The following RREB1 variants were observed in gnomAD, a reference collection of about 807,000 sequenced individuals.
RREB1 encodes the protein ras-responsive element-binding protein 1.
In RREB1, 27 loss-of-function variants were observed where a neutral mutation model predicts 117.8. The ratio of observed to expected loss-of-function variants is 0.23; its 90% CI spans 0.17 to 0.32. RREB1 has a LOEUF of 0.32. RREB1 is among the 10% of genes least tolerant of loss of function. The pLI is 1.00. For missense variants in RREB1, 2,577 were observed against 2,378.2 expected, an observed-to-expected ratio of 1.08 and a Z score of -1.74; for synonymous variants, 1,298 against 1,026.7, an observed-to-expected ratio of 1.26 and a Z score of -5.05.
At chr6:7,172,256 TGA>T (rs1209715194) in intron 1 of RREB1, among the ~76,000 whole-genome samples, 1 of 150,652 alleles carries the variant, frequency 6.6e-6, no homozygotes, top group Non-Finnish European at 1.5e-5. Flanking sequence ...GCTGTAGTCT[TGA>T]GAGGATGAGA....
intron 6 of RREB1, among the ~76,000 whole-genome samples, chr6:7,200,752 C>G (rs569727099): frequency 6.6e-6 from 1 of 152,290 alleles, no homozygotes; most frequent in South Asian, 2.1e-4. Context: ...AACAATCAAG[C>G]CTTTTTCGTC....
At chr6:7,220,780 C>T (rs995745290) in intron 8 of RREB1, among the ~76,000 whole-genome samples, 1 of 152,224 alleles carries the variant, frequency 6.6e-6, no homozygotes, top group Non-Finnish European at 1.5e-5. Context: ...ATTTTGCAAT[C>T]GTGCTCTTTA....
intron 1 of RREB1, among the ~76,000 whole-genome samples, chr6:7,164,308 A>C (rs1763818423): frequency 6.6e-6 from 1 of 151,330 alleles, no homozygotes; most frequent in Admixed American, 6.6e-5. Flanking sequence ...CCTTTCCCCC[A>C]CCCGGTTCTC....
rs1405253407 is a variant in RREB1 at position 7,198,702 on chromosome 6, A to C, written c.425+9380A>C. Among the ~76,000 whole-genome samples the C allele has an allele frequency of 2.0e-5, 3 of 152,210 alleles. No individual in the cohort carries two copies. In the East Asian group the frequency reaches 5.8e-4, roughly 29 times the overall value. Reference sequence around the variant, plus strand: ...ATCAAAGCAGTTTTCAGCATATGTTAGTACTCTGAACACTAAAATAGACAT... The same window carrying C: ...ATCAAAGCAGTTTTCAGCATATGTTCGTACTCTGAACACTAAAATAGACAT... On this transcript the variant is annotated intron_variant, in intron 6 of 12. Coordinates refer to ENST00000379938, the MANE Select transcript of RREB1 (RefSeq NM_001003699.4).
intron 10 of RREB1, among the ~76,000 whole-genome samples, chr6:7,239,906 G>A (rs143749284): frequency 3.3e-5 from 5 of 152,342 alleles, no homozygotes; most frequent in Non-Finnish European, 5.9e-5. Context: ...CTGTGGGAGG[G>A]ACACAGCCAC....
At chr6:7,123,768 G>T (rs1174160376) in intron 1 of RREB1, among the ~76,000 whole-genome samples, 1 of 151,908 alleles carries the variant, frequency 6.6e-6, no homozygotes, top group South Asian at 2.1e-4. Flanking sequence ...CCGCCACCAC[G>T]CCTGGCTAAT....
chr6:7,186,608 C>T (rs1765095149), intron 4 of RREB1, among the ~76,000 whole-genome samples: 1 of 152,186 alleles, frequency 6.6e-6, no homozygotes, highest in African/African-American at 2.4e-5. Context: ...CAATGATGCA[C>T]ACAGCCTAGA....
rs138175308 is a variant in RREB1 at position 7,168,035 on chromosome 6, A to T, written c.-284-8620A>T. ...CAACACTTTGTGAGGCCGAGGTGGG[A>T]GGATCACTTGAGGTCAGGAGTTTGA... On this transcript the variant is annotated intron_variant, in intron 1 of 12. Transcript: ENST00000379938. Among the ~76,000 whole-genome samples the T allele has an allele frequency of 5.6e-3, 847 of 151,896 alleles. 3 individuals carry two copies. The highest frequency in any genetic ancestry group is 8.5e-3 in the Non-Finnish European group (578 of 67,910).
chr6:7,220,945 C>A (rs911553590), intron 8 of RREB1, among the ~76,000 whole-genome samples: 2 of 152,190 alleles, frequency 1.3e-5, no homozygotes, highest in Admixed American at 6.5e-5. Context: ...CATCCAGCAG[C>A]TCCCTCCACA....
chr6:7,232,818 TG>T (rs1768085629), intron 10 of RREB1, among the ~76,000 whole-genome samples: 1 of 151,710 alleles, frequency 6.6e-6, no homozygotes, highest in South Asian at 2.1e-4. Flanking sequence ...CTCAAACTTC[TG>T]GGCTCAAGCA....
chr6:7,228,963 T>G, intron 9 of RREB1, 34 bp from the exon 10 acceptor site: 1 of 1,473,712 alleles, frequency 6.8e-7, no homozygotes, highest in Non-Finnish European at 9.0e-7. Context: ...TCTTCACATG[T>G]GTTCCCTTGC....
At chr6:7,146,165 T>G (rs900445358) in intron 1 of RREB1, among the ~76,000 whole-genome samples, 1 of 152,126 alleles carries the variant, frequency 6.6e-6, no homozygotes, top group Non-Finnish European at 1.5e-5. Flanking sequence ...AGAACATGGA[T>G]GTGAATAAAA....
chr6:7,239,858 G>C (rs1373968183), intron 10 of RREB1, among the ~76,000 whole-genome samples: 3 of 152,232 alleles, frequency 2.0e-5, no homozygotes, highest in African/African-American at 7.2e-5. Flanking sequence ...TCAGACAGGA[G>C]TTGTCCTGGG....
Position 7,231,181 on chromosome 6 carries a change from C to G in RREB1, c.3082C>G (p.Pro1028Ala), listed in dbSNP as rs1466044753. Residue 1028 changes from proline to alanine, a missense_variant, in exon 10 of 13, where the codon CCA becomes GCA. Physicochemically the swap from Pro to Ala is conservative, Grantham distance 27 (BLOSUM62 -1). Coordinates refer to ENST00000379938, the MANE Select transcript of RREB1 (RefSeq NM_001003699.4). ...CTCCTCAGCCCTGGTCAGCAGCCCT[C>G]CACTCGTGGGCAGCTCAGCCCTCCT... The part of the protein sequence containing the change: ...IYSSALVSSP[P>A]LVGSSALLSG... 3.7e-6 allele frequency: 6 copies of G among 1,611,668 alleles called. No individual in the cohort carries two copies. The highest frequency in any genetic ancestry group is 1.7e-5 in the Admixed American group (1 of 59,996).
intron 1 of RREB1, among the ~76,000 whole-genome samples, chr6:7,141,202 C>A (rs935472545): frequency 6.6e-6 from 1 of 151,800 alleles, no homozygotes; most frequent in Admixed American, 6.5e-5. Flanking sequence ...GTCAGGGCGG[C>A]GGGCGCCGAT....
intron 1 of RREB1, among the ~76,000 whole-genome samples, chr6:7,171,918 A>G (rs1251163960): frequency 6.6e-6 from 1 of 151,592 alleles, no homozygotes; most frequent in Non-Finnish European, 1.5e-5. Flanking sequence ...AGACTCTTGA[A>G]TGGCAGGTTA....
chr6:7,165,333 A>C (rs1009020419), intron 1 of RREB1, among the ~76,000 whole-genome samples: 1 of 152,230 alleles, frequency 6.6e-6, no homozygotes, highest in Non-Finnish European at 1.5e-5. Context: ...CAAACTGTTA[A>C]GGGAAGATAA....
intron 1 of RREB1, among the ~76,000 whole-genome samples, chr6:7,127,623 C>G (rs950721628): frequency 6.6e-6 from 1 of 152,118 alleles, no homozygotes; most frequent in African/African-American, 2.4e-5. Context: ...ATGTATTCCT[C>G]GTAACCACGA....
At chr6:7,219,092 C>CAAAAAAA (rs57534871) in intron 8 of RREB1, 69 of 40,530 alleles carry the variant, frequency 1.7e-3, no homozygotes, top group Non-Finnish European at 2.2e-3. Context: ...TACTAAAATA[C>CAAAAAAA]AAAAAAAAAA....
Sources: gnomAD v4.1 joint callset for allele counts (sites outside exome capture counted in the v4.1 genomes callset) on GRCh38, gnomAD v4.1.1 for gene constraint, MANE v1.5 for transcripts, NCBI Gene and HGNC (gene_info 2026-07-23, HGNC 2026-07-21) for gene names.